The following METAP1D variants were observed in gnomAD, a reference collection of about 807,000 sequenced individuals.
The protein encoded by METAP1D is methionine aminopeptidase 1D, mitochondrial.
A neutral mutation model predicts 40.5 loss-of-function variants in METAP1D; 31 were observed. The ratio of observed to expected loss-of-function variants is 0.77; its 90% confidence interval spans 0.58 to 1.03. The LOEUF (loss-of-function observed/expected upper bound fraction) is 1.03, where lower values mean the gene tolerates loss of function less well. Ranked by LOEUF, METAP1D falls within the 50% of genes least tolerant of loss-of-function variation. The pLI is 0.00. For synonymous variants in METAP1D, 151 were observed against 146.4 expected, an observed-to-expected ratio of 1.03 and a Z score of -0.22; for missense variants, 411 against 420.7, an observed-to-expected ratio of 0.98 and a Z score of 0.20.
At chr2:172,052,348 C>T (rs13013988) in intron 1 of METAP1D, among the ~76,000 whole-genome samples, 43,093 of 151,994 alleles carry the variant, frequency 0.28, 6,874 homozygotes, top group Middle Eastern at 0.4. Context: ...TCCATATCCA[C>T]GATTTCCTGC....
intron 1 of METAP1D, among the ~76,000 whole-genome samples, chr2:172,016,126 A>T (rs1281077018): frequency 2.7e-5 from 4 of 146,458 alleles, no homozygotes; most frequent in African/African-American, 5.0e-5. Context: ...GAAAAAAAAA[A>T]TTAGCTGGGC....
intron 8 of METAP1D, 132 bp downstream of exon 8, chr2:172,079,394 A>C (rs1213608150): frequency 6.4e-6 from 5 of 786,314 alleles, no homozygotes; most frequent in Non-Finnish European, 1.1e-5. Context: ...ATGCACTGGA[A>C]ATCTGATTAA....
At chr2:172,072,943 G>C (rs1434529038) in intron 6 of METAP1D, among the ~76,000 whole-genome samples, 1 of 152,182 alleles carries the variant, frequency 6.6e-6, no homozygotes, top group African/African-American at 2.4e-5. Context: ...GGCTAGATCA[G>C]TAAGGTCACA....
At chr2:172,016,429 G>A (rs1049688059) in intron 1 of METAP1D, among the ~76,000 whole-genome samples, 2 of 148,220 alleles carry the variant, frequency 1.3e-5, no homozygotes, top group African/African-American at 5.0e-5. Context: ...ACCAGCCTGG[G>A]CAACATGGAA....
intron 1 of METAP1D, among the ~76,000 whole-genome samples, chr2:172,052,796 C>G (rs1689913726): frequency 6.6e-6 from 1 of 152,230 alleles, no homozygotes; most frequent in Admixed American, 6.5e-5. Flanking sequence ...TTCCTTGTTG[C>G]TTTGATGTAA....
chr2:172,078,624 G>A (rs1448810640), intron 7 of METAP1D, among the ~76,000 whole-genome samples: 3 of 152,178 alleles, frequency 2.0e-5, no homozygotes, highest in Non-Finnish European at 2.9e-5. Context: ...CCATGCCCTC[G>A]AGGATCGCTG....
intron 6 of METAP1D, among the ~76,000 whole-genome samples, chr2:172,071,716 T>G (rs1690425006): frequency 6.6e-6 from 1 of 152,212 alleles, no homozygotes; most frequent in Admixed American, 6.5e-5. Context: ...TTTTAGGTCT[T>G]TTTTCCCCCA....
intron 1 of METAP1D, among the ~76,000 whole-genome samples, chr2:172,037,540 T>TA (rs1161777112): frequency 4.6e-5 from 7 of 152,228 alleles, no homozygotes; most frequent in Admixed American, 1.3e-4. Flanking sequence ...AATGAACTCT[T>TA]AAGACATGTA....
intron 6 of METAP1D, among the ~76,000 whole-genome samples, chr2:172,071,363 A>C (rs2105492172): frequency 6.6e-6 from 1 of 152,342 alleles, no homozygotes; most frequent in Middle Eastern, 3.4e-3. Context: ...CCTTTATTCA[A>C]AATCACACCA....
chr2:172,077,944 G>T, intron 7 of METAP1D, 50 bp downstream of exon 7: 1 of 1,062,440 alleles, frequency 9.4e-7, no homozygotes, highest in Non-Finnish European at 1.4e-6. Context: ...TCAAGATGTG[G>T]CAGCTTTGAC....
chr2:172,005,811 T>TA (rs1688567359), intron 1 of METAP1D, among the ~76,000 whole-genome samples: 1 of 151,976 alleles, frequency 6.6e-6, no homozygotes, highest in Admixed American at 6.6e-5. Flanking sequence ...GTGCTGGGAT[T>TA]ACAGGCATAA....
At chr2:172,022,860 A>G (rs1030766940) in intron 1 of METAP1D, among the ~76,000 whole-genome samples, 4 of 151,990 alleles carry the variant, frequency 2.6e-5, no homozygotes, top group African/African-American at 7.3e-5. Flanking sequence ...AGCTATTCCT[A>G]TAGGTTTGTC....
intron 7 of METAP1D, among the ~76,000 whole-genome samples, chr2:172,078,403 T>G (rs577700007): frequency 1.3e-5 from 2 of 152,248 alleles, no homozygotes; most frequent in African/African-American, 4.8e-5. Flanking sequence ...GAATCTCTTG[T>G]TTTTCACTGC....
intron 1 of METAP1D, among the ~76,000 whole-genome samples, chr2:172,053,929 T>C (rs1689942930): frequency 6.6e-6 from 1 of 152,228 alleles, no homozygotes; most frequent in Non-Finnish European, 1.5e-5. Flanking sequence ...TGTACTTTGT[T>C]CAGTTTTACA....
chr2:172,055,843 G>A (rs1359663924), intron 1 of METAP1D, among the ~76,000 whole-genome samples: 1 of 152,184 alleles, frequency 6.6e-6, no homozygotes, highest in Admixed American at 6.5e-5. Flanking sequence ...TTCAGGCTGT[G>A]TTCCTGACGT....
Position 172,054,718 on chromosome 2 carries a change from A to T in METAP1D, c.41-6780A>T, listed in dbSNP as rs146049366. 1.6e-4 allele frequency among the ~76,000 whole-genome samples: 24 copies of T among 152,288 alleles called. No individual in the cohort carries two copies. The East Asian group carries it at 4.2e-3, about 27-fold the overall frequency. ...AAATACAAATTTTAAATATGAAAAA[A>T]TGTGCTGCAGGATCCAGAGGACATA... On this transcript the variant is annotated intron_variant, in intron 1 of 9. Coordinates refer to ENST00000315796, the MANE Select transcript of METAP1D (RefSeq NM_199227.3).
chr2:172,032,094 C>A (rs971416867), intron 1 of METAP1D, among the ~76,000 whole-genome samples: 12 of 152,232 alleles, frequency 7.9e-5, no homozygotes, highest in African/African-American at 2.4e-4. Context: ...TACCTGTTTT[C>A]TTTTGGTTTT....
chr2:172,051,588 C>T (rs1029306666), intron 1 of METAP1D, among the ~76,000 whole-genome samples: 2 of 152,076 alleles, frequency 1.3e-5, no homozygotes, highest in Admixed American at 6.6e-5. Flanking sequence ...CTGATTAGGC[C>T]TTGGGGAAGG....
intron 1 of METAP1D, among the ~76,000 whole-genome samples, chr2:172,007,751 G>A (rs759702743): frequency 7.3e-5 from 11 of 151,698 alleles, no homozygotes; most frequent in Admixed American, 3.9e-4. Context: ...GTGCAGTGGC[G>A]CATTCTCAGC....
Sources: allele counts gnomAD v4.1 joint callset (sites outside exome capture counted in the v4.1 genomes callset), GRCh38; gene constraint gnomAD v4.1.1; transcripts MANE v1.5; gene names NCBI Gene and HGNC (gene_info 2026-07-23, HGNC 2026-07-21).